The following RANBP17 variants were observed in gnomAD, a reference collection of about 807,000 sequenced individuals.
RANBP17 encodes RAN binding protein 17.
Under a neutral mutation model 141.2 loss-of-function variants are expected in RANBP17, and 158 were observed. The observed-to-expected ratio is 1.12, with a 90% CI of 0.98 to 1.28. RANBP17 has a LOEUF of 1.28. Ranked by LOEUF, RANBP17 falls within the 50% of genes most tolerant of loss-of-function variation. RANBP17 has a pLI of 0.00. For missense variants in RANBP17, 1,438 were observed against 1,290.7 expected (o/e 1.11, Z -1.75); for synonymous variants, 430 against 450.0 (o/e 0.96, Z 0.56).
intron 13 of RANBP17, among the ~76,000 whole-genome samples, chr5:170,955,646 G>GTGTA (rs1491389795): frequency 6.9e-5 from 1 of 14,588 alleles, no homozygotes; most frequent in African/African-American, 2.8e-4. Flanking sequence ...TATATGCTCA[G>GTGTA]TGTATATATA....
intron 14 of RANBP17, among the ~76,000 whole-genome samples, chr5:170,993,265 T>A (rs1340732367): frequency 6.6e-6 from 1 of 152,100 alleles, no homozygotes; most frequent in Non-Finnish European, 1.5e-5. Flanking sequence ...AGTTTTTATT[T>A]AAATTGTTTT....
At chr5:170,986,994 A>G (rs1778185779) in intron 14 of RANBP17, among the ~76,000 whole-genome samples, 1 of 151,828 alleles carries the variant, frequency 6.6e-6, no homozygotes, top group African/African-American at 2.4e-5. Context: ...ATATATTCTG[A>G]TTACTGGCAA....
rs934672212 is a variant in RANBP17 at position 170,909,868 on chromosome 5, A to G, written c.594+103A>G. 9 of 689,542 alleles carry G rather than the reference A, an allele frequency of 1.3e-5. No homozygotes were observed. In the East Asian group the frequency reaches 2.5e-4, roughly 19 times the overall value. The allele number at this position is 689,542 out of a possible 1,614,324, so 42.7% of individuals were successfully genotyped here. A position where few individuals can be genotyped will look rare whatever the true frequency, so the allele number is the denominator to read the frequency against. ...TTTTCCCCCCAGTTTTGCCTTTTAAAGAATTATTGTGGACAGACTTAAGTA... is the reference window on the plus strand; with the variant it reads ...TTTTCCCCCCAGTTTTGCCTTTTAAGGAATTATTGTGGACAGACTTAAGTA... On this transcript the variant is annotated intron_variant, in intron 6 of 27. Transcript: ENST00000523189.
At chr5:171,032,377 C>T (rs920499432) in intron 14 of RANBP17, among the ~76,000 whole-genome samples, 2 of 152,066 alleles carry the variant, frequency 1.3e-5, no homozygotes, top group Admixed American at 1.3e-4. Flanking sequence ...GTTTTCATTA[C>T]AGTTTGGAAT....
chr5:171,166,637 G>A (rs1016051595), intron 14 of RANBP17, among the ~76,000 whole-genome samples: 2 of 152,056 alleles, frequency 1.3e-5, no homozygotes, highest in East Asian at 3.9e-4. Context: ...AAACGATTTT[G>A]TAGGTATTTC....
intron 14 of RANBP17, among the ~76,000 whole-genome samples, chr5:171,022,205 C>T (rs1337682674): frequency 6.6e-6 from 1 of 152,164 alleles, no homozygotes; most frequent in African/African-American, 2.4e-5. Context: ...GGGGCGCCAA[C>T]CTGATGCCCG....
At chr5:171,022,439 C>T (rs537525443) in intron 14 of RANBP17, among the ~76,000 whole-genome samples, 76 of 152,196 alleles carry the variant, frequency 5.0e-4, no homozygotes, top group Non-Finnish European at 9.0e-4. Context: ...ATCCTTCCCG[C>T]TAGGGGCTCA....
At chr5:171,082,226 C>T (rs1344987804) in intron 14 of RANBP17, among the ~76,000 whole-genome samples, 1 of 152,040 alleles carries the variant, frequency 6.6e-6, no homozygotes, top group African/African-American at 2.4e-5. Flanking sequence ...AATACACACA[C>T]ACATATAGAA....
chr5:170,909,694 A>G lies in RANBP17; in HGVS notation c.523A>G (p.Lys175Glu). 2 of 1,596,772 alleles carry G rather than the reference A, an allele frequency of 1.3e-6. No homozygotes were observed. The highest frequency in any genetic ancestry group is 1.7e-6 in the Non-Finnish European group (2 of 1,167,244). The change falls in exon 6 of 28, where the codon AAA becomes GAA. Residue 175 changes from lysine to glutamate, a missense_variant. By Grantham distance (56) the Lys-to-Glu change is moderately conservative. Transcript: ENST00000523189. ...TTCTAGACCTTCAGCAAAACACAGGAAAATAGCTACCTCATTTCGTGATAC... is the reference window on the plus strand; with the variant it reads ...TTCTAGACCTTCAGCAAAACACAGGGAAATAGCTACCTCATTTCGTGATAC... ...DYSRPSAKHR[K>E]IATSFRDTSL...
intron 12 of RANBP17, among the ~76,000 whole-genome samples, chr5:170,925,763 A>G (rs1772867915): frequency 6.8e-6 from 1 of 146,066 alleles, no homozygotes; most frequent in Admixed American, 7.1e-5. Context: ...ATGATATTGC[A>G]TATTTCTCAA....
intron 25 of RANBP17, among the ~76,000 whole-genome samples, chr5:171,292,235 G>A (rs546812184): frequency 6.6e-6 from 1 of 152,314 alleles, no homozygotes; most frequent in African/African-American, 2.4e-5. Context: ...CCATAAATAT[G>A]CAATTGGCAG....
intron 14 of RANBP17, among the ~76,000 whole-genome samples, chr5:171,003,012 T>G (rs1203494101): frequency 6.6e-6 from 1 of 151,910 alleles, no homozygotes; most frequent in Non-Finnish European, 1.5e-5. Context: ...GAAAATAGAT[T>G]TTGGAAGTTA....
intron 3 of RANBP17, among the ~76,000 whole-genome samples, 190 bp from the exon 4 acceptor site, chr5:170,892,197 G>A (rs188605003): frequency 6.7e-6 from 1 of 148,376 alleles, no homozygotes; most frequent in Non-Finnish European, 1.5e-5. Flanking sequence ...TTGTTACATA[G>A]GTATACATGT....
At chr5:171,251,044 AACATTCTCTAGGATAG>A (rs1369206782) in intron 24 of RANBP17, among the ~76,000 whole-genome samples, 1 of 152,214 alleles carries the variant, frequency 6.6e-6, no homozygotes, top group Admixed American at 6.5e-5. Context: ...CGGAACATGG[AACATTCTCTAGGATAG>A]ACCATATGTT....
At chr5:171,003,917 A>G (rs975395529) in intron 14 of RANBP17, among the ~76,000 whole-genome samples, 49 of 152,300 alleles carry the variant, frequency 3.2e-4, no homozygotes, top group African/African-American at 1.2e-3. Context: ...GAAGATATTG[A>G]GGACAAAAGA....
chr5:171,028,496 A>G (rs1318656489), intron 14 of RANBP17, among the ~76,000 whole-genome samples: 1 of 152,164 alleles, frequency 6.6e-6, no homozygotes, highest in East Asian at 1.9e-4. Context: ...TAATTTATTA[A>G]TTTGGACTGA....
At chr5:170,921,573 T>C (rs1438120808) in intron 11 of RANBP17, among the ~76,000 whole-genome samples, 2 of 152,178 alleles carry the variant, frequency 1.3e-5, no homozygotes, top group Non-Finnish European at 2.9e-5. Context: ...CTATACGGGC[T>C]CTTTTTTGGT....
chr5:171,166,536 A>G (rs1759712277), intron 14 of RANBP17, among the ~76,000 whole-genome samples: 2 of 152,138 alleles, frequency 1.3e-5, no homozygotes, highest in African/African-American at 4.8e-5. Context: ...TTCGGTTGAA[A>G]TAATACAAGT....
At chr5:171,239,709 G>A (rs574402273) in intron 22 of RANBP17, among the ~76,000 whole-genome samples, 1 of 152,304 alleles carries the variant, frequency 6.6e-6, no homozygotes, top group South Asian at 2.1e-4. Flanking sequence ...TGGTATAGAA[G>A]TCAGTAGAAG....
Sources: allele counts gnomAD v4.1 joint callset (sites outside exome capture counted in the v4.1 genomes callset), GRCh38; gene constraint gnomAD v4.1.1; transcripts MANE v1.5; gene names NCBI Gene and HGNC (gene_info 2026-07-23, HGNC 2026-07-21).